SNX5: variants seen among roughly 807,000 people sequenced by gnomAD.
SNX5 encodes the protein sorting nexin-5.
A neutral mutation model predicts 53.9 loss-of-function variants in SNX5; 31 were observed. That is an observed-to-expected ratio of 0.58 (90% CI 0.43 to 0.78). The LOEUF (loss-of-function observed/expected upper bound fraction) is 0.78, where lower values mean the gene tolerates loss of function less well. SNX5 is among the 30% of genes least tolerant of loss of function. The pLI is 0.00. For missense variants in SNX5, 471 were observed against 478.8 expected, an observed-to-expected ratio of 0.98 and a Z score of 0.15; for synonymous variants, 168 against 171.1, an observed-to-expected ratio of 0.98 and a Z score of 0.14.
chr20:17,954,139 A>G, intron 3 of SNX5, 22 bp from the exon 4 acceptor site: 2 of 1,612,108 alleles, frequency 1.2e-6, no homozygotes, highest in Non-Finnish European at 1.7e-6. Flanking sequence ...GCAGGAACTC[A>G]TGAGCCTCTT....
chr20:17,958,896 C>G (rs1225198198), intron 1 of SNX5, among the ~76,000 whole-genome samples: 4 of 152,192 alleles, frequency 2.6e-5, no homozygotes, highest in Non-Finnish European at 5.9e-5. Context: ...TTAGGCTTAT[C>G]TGTCAAGGTC....
chr20:17,967,930 GC>G (rs113081363), intron 1 of SNX5: 11,500 of 354,768 alleles, frequency 0.032, 1,066 homozygotes, highest in African/African-American at 0.22. Context: ...AGTTGTTTGG[GC>G]CCCCCCCCCA....
intron 4 of SNX5, among the ~76,000 whole-genome samples, chr20:17,953,415 T>C (rs1476598855): frequency 6.6e-6 from 1 of 152,242 alleles, no homozygotes; most frequent in Non-Finnish European, 1.5e-5. Flanking sequence ...AAAATATACT[T>C]GCTGCCTGTA....
intron 11 of SNX5, among the ~76,000 whole-genome samples, chr20:17,946,298 C>T (rs1485535919): frequency 6.6e-6 from 1 of 152,158 alleles, no homozygotes; most frequent in African/African-American, 2.4e-5. Flanking sequence ...TACCCCGAAA[C>T]GATGAGCATA....
chr20:17,961,298 C>T (rs978062853), intron 1 of SNX5: 2 of 985,386 alleles, frequency 2.0e-6, no homozygotes, highest in African/African-American at 1.7e-5. Context: ...GGTTTAATGG[C>T]TTACAGAGGG....
chr20:17,958,585 T>C (rs887858007), intron 1 of SNX5, among the ~76,000 whole-genome samples: 2 of 152,228 alleles, frequency 1.3e-5, no homozygotes, highest in South Asian at 4.1e-4. Context: ...ACAGATACTT[T>C]TGAGTCCTCA....
intron 5 of SNX5, among the ~76,000 whole-genome samples, 181 bp downstream of exon 5, chr20:17,952,406 G>T (rs2039582897): frequency 6.6e-6 from 1 of 152,108 alleles, no homozygotes; most frequent in South Asian, 2.1e-4. Context: ...GGGGAAAGAA[G>T]TCAAAATTTT....
Position 17,968,565 on chromosome 20 carries a change from G to C in SNX5, c.-140C>G. On this transcript the variant is annotated 5_prime_UTR_variant, in exon 1 of 13. Transcript: ENST00000377759. ...GCCTCCCTGCCCGACGGCGGCAGGA[G>C]GCCTCCGGACTCCGCCACCATCCCA... 1 of 775,430 alleles carries C rather than the reference G, an allele frequency of 1.3e-6. No homozygotes were observed. Among genetic ancestry groups the C allele is most frequent in the Non-Finnish European group, 2.0e-6 (1 of 500,000 alleles). The allele number at this position is 775,430 out of a possible 1,614,324, so 48.0% of individuals were successfully genotyped here.
chr20:17,949,248 CA>C (rs2039530316), intron 8 of SNX5, 145 bp from the exon 9 acceptor site: 4 of 665,136 alleles, frequency 6.0e-6, no homozygotes, highest in Non-Finnish European at 1.1e-5. Context: ...GCTCTCACTT[CA>C]ACTGACCCCA....
chr20:17,950,656 A>G (rs111585975), intron 6 of SNX5, among the ~76,000 whole-genome samples: 120 of 152,328 alleles, frequency 7.9e-4, no homozygotes, highest in African/African-American at 2.5e-3. Flanking sequence ...AGACACAGCA[A>G]TTTTACGCTA....
intron 1 of SNX5, among the ~76,000 whole-genome samples, chr20:17,963,422 G>A (rs546721545): frequency 1.8e-4 from 28 of 152,282 alleles, no homozygotes; most frequent in African/African-American, 6.3e-4. Flanking sequence ...ACTACGATCA[G>A]ACCACTGAAC....
At position 17,949,063 on chromosome 20, in the gene SNX5, C is replaced by A; in HGVS notation, c.831+1G>T. ...ATGAAGACCAACACAGAAATCCTTA[C>A]CCTTAGTTTTTCAAATAGCTCAGCA... On this transcript the variant is annotated splice_donor_variant, in intron 9 of 12. Transcript: ENST00000377759. LOFTEE classifies it high-confidence loss of function. 1 of 1,612,820 alleles carries A rather than the reference C, an allele frequency of 6.2e-7. No individual in the cohort carries two copies. The highest frequency in any genetic ancestry group is 1.1e-5 in the South Asian group (1 of 91,030).
intron 2 of SNX5, among the ~76,000 whole-genome samples, chr20:17,956,350 T>C (rs1246750093): frequency 6.6e-6 from 1 of 152,192 alleles, no homozygotes; most frequent in East Asian, 1.9e-4. Flanking sequence ...AAAAACCACA[T>C]GGGAAAGGTC....
intron 2 of SNX5, among the ~76,000 whole-genome samples, chr20:17,956,682 A>T (rs1222204009): frequency 0.01 from 739 of 71,986 alleles, 27 homozygotes; most frequent in African/African-American, 0.028. Context: ...CCAAAAAAAA[A>T]AAAAAAAAAA....
At chr20:17,967,894 G>C in intron 1 of SNX5, 1 of 397,058 alleles carries the variant, frequency 2.5e-6, no homozygotes, top group Non-Finnish European at 4.4e-6. Context: ...TAAGCAGCAT[G>C]TTCGGACGCT....
chr20:17,963,406 C>CA (rs2035489220), intron 1 of SNX5, among the ~76,000 whole-genome samples: 1 of 152,144 alleles, frequency 6.6e-6, no homozygotes, highest in African/African-American at 2.4e-5. Context: ...TTTGAGTCTG[C>CA]AGTGAACTAC....
rs759656136 is a variant in SNX5 at position 17,950,316 on chromosome 20, A to T, written c.690T>A (p.Ala230=). Residue 230 remains alanine, a synonymous_variant, in exon 7 of 13, where the codon GCT becomes GCA. Transcript: ENST00000377759. The stretch of plus-strand genomic sequence containing the variant: ...TTTTATGAGATCTGGTCATTTTGTC[A>T]GCTTTCACACAAGAATCTTTGATCC... ...YNRIKDSCVK[A]DKMTRSHKNV... 2.5e-6 allele frequency: 4 copies of T among 1,613,484 alleles called. No homozygotes were observed. The Admixed American group carries it at 6.7e-5, about 27-fold the overall frequency.
chr20:17,957,163 C>T (rs777324797), intron 1 of SNX5, 126 bp from the exon 2 acceptor site: 106 of 657,400 alleles, frequency 1.6e-4, no homozygotes, highest in Non-Finnish European at 2.5e-4. Flanking sequence ...GAGCTGGGCG[C>T]GGCGGCTCAC....
At chr20:17,966,136 G>A (rs1029166769) in intron 1 of SNX5, among the ~76,000 whole-genome samples, 1 of 152,074 alleles carries the variant, frequency 6.6e-6, no homozygotes, top group Non-Finnish European at 1.5e-5. Flanking sequence ...GTCAAGGAAG[G>A]AGAACCCCCT....
Sources: gnomAD v4.1 joint callset for allele counts (sites outside exome capture counted in the v4.1 genomes callset) on GRCh38, gnomAD v4.1.1 for gene constraint, MANE v1.5 for transcripts, NCBI Gene and HGNC (gene_info 2026-07-23, HGNC 2026-07-21) for gene names.